The following RNF14 variants were observed in gnomAD, a reference collection of about 807,000 sequenced individuals.
The protein encoded by RNF14 is ring finger protein 14.
In RNF14, 26 loss-of-function variants were observed where a neutral mutation model predicts 52.6. The ratio of observed to expected loss-of-function variants is 0.49; its 90% CI spans 0.36 to 0.69. The LOEUF (loss-of-function observed/expected upper bound fraction) is 0.69, where lower values mean the gene tolerates loss of function less well. RNF14 is among the 30% of genes least tolerant of loss of function. RNF14 has a pLI of 0.00. For synonymous variants in RNF14, 194 were observed against 202.0 expected (o/e 0.96, Z 0.34); for missense variants, 404 against 560.4 (o/e 0.72, Z 2.82).
Position 141,984,880 on chromosome 5 carries a change from T to A in RNF14, c.1314T>A (p.Ser438=). 6.2e-7 allele frequency: 1 copy of A among 1,613,218 alleles called. No homozygotes were observed. Among genetic ancestry groups the A allele is most frequent in the Non-Finnish European group, 8.5e-7 (1 of 1,179,174 alleles). The stretch of plus-strand genomic sequence containing the variant: ...GTTGGATTTGCATGGGTTCTCTCTC[T>A]AGAGCAAACCCTTACAAACATTTCA... ...YFCWICMGSL[S]RANPYKHFND... Residue 438 remains serine, a synonymous_variant, in exon 8 of 9, where the codon TCT becomes TCA. Coordinates refer to ENST00000394520, the MANE Select transcript of RNF14 (RefSeq NM_004290.5).
rs746233191 is a variant in RNF14, at chr5:141,974,793, T to G, written c.155-11T>G. ...CCAACTGATCCTTTCTAATCTTTGT[T>G]TTTGGTTCAGGCAATTCAAATGAGT... On this transcript the variant is annotated splice_polypyrimidine_tract_variant and intron_variant, in intron 3 of 8. Transcript: ENST00000394520. The G allele has an allele frequency of 1.6e-5, 26 of 1,613,626 alleles. No homozygotes were observed. The highest frequency in any genetic ancestry group is 1.6e-4 in the Middle Eastern group (1 of 6,074).
chr5:141,971,657 TTG>T (rs1181075889), intron 2 of RNF14, among the ~76,000 whole-genome samples: 2 of 118,616 alleles, frequency 1.7e-5, no homozygotes, highest in African/African-American at 7.5e-5. Context: ...TTTTTTTTTT[TTG>T]GAGACAGAGT....
chr5:141,957,123 C>A (rs138577563), upstream of RNF14: 3 of 1,614,092 alleles, frequency 1.9e-6, no homozygotes, highest in Non-Finnish European at 2.5e-6. The surrounding 1 kb of genome is among the most constrained non-coding windows in gnomAD (Gnocchi z 4.3). Context: ...TCTCAGCAAA[C>A]GCAGGGCTAT....
upstream of RNF14, among the ~76,000 whole-genome samples, chr5:141,953,638 T>C (rs1753126017): frequency 6.6e-6 from 1 of 152,226 alleles, no homozygotes; most frequent in Admixed American, 6.5e-5. Flanking sequence ...ACAGGGCCTA[T>C]TCTCTGTTGT....
the RNF14 span, chr5:141,953,286 T>TA: frequency 2.6e-5 from 4 of 152,136 alleles, no homozygotes; most frequent in Non-Finnish European, 5.9e-5. Flanking sequence ...TCCTCAACAG[T>TA]AAAAAAAGTG....
intron 5 of RNF14, among the ~76,000 whole-genome samples, chr5:141,979,600 A>G (rs10476833): frequency 0.024 from 3,642 of 152,264 alleles, 147 homozygotes; most frequent in African/African-American, 0.084. Context: ...AATAAACTAC[A>G]CATTTAAATC....
At chr5:141,956,050 G>A (rs777187592), upstream of RNF14, 6 of 1,614,094 alleles carry the variant, frequency 3.7e-6, no homozygotes, top group Admixed American at 1.7e-5. Context: ...GTCAGTGCCC[G>A]CTGGGCCCAA....
intron 6 of RNF14, among the ~76,000 whole-genome samples, chr5:141,982,235 T>G (rs534145306): frequency 6.6e-6 from 1 of 152,298 alleles, no homozygotes; most frequent in South Asian, 2.1e-4. Flanking sequence ...TTTATTATTT[T>G]GGGAAGACTA....
chr5:141,987,713 A>C lies in RNF14; in HGVS notation c.1368-20A>C. ...GTTTCGTTCAAGTGTATAAAAATGTACCTTTTTTAATGCTTCCAGGCTGTT... is the reference window on the plus strand; with the variant it reads ...GTTTCGTTCAAGTGTATAAAAATGTCCCTTTTTTAATGCTTCCAGGCTGTT... On this transcript the variant is annotated intron_variant, in intron 8 of 8. Coordinates refer to ENST00000394520, the MANE Select transcript of RNF14 (RefSeq NM_004290.5). 1.9e-6 allele frequency: 3 copies of C among 1,612,752 alleles called. No homozygotes were observed. Among genetic ancestry groups the C allele is most frequent in the Non-Finnish European group, 1.7e-6 (2 of 1,178,792 alleles).
chr5:141,984,959 C>G, intron 8 of RNF14, 26 bp downstream of exon 8: 1 of 1,591,690 alleles, frequency 6.3e-7, no homozygotes, highest in South Asian at 1.1e-5. Context: ...ATTCCTCAGG[C>G]TCACCAGCAA....
At chr5:141,951,113 G>T in the RNF14 span, among the ~76,000 whole-genome samples, 30 of 152,194 alleles carry the variant, frequency 2.0e-4, no homozygotes, top group Non-Finnish European at 4.0e-4. Context: ...CATGTCTTTA[G>T]TGGGGAGCCT....
At chr5:141,957,581 G>T (rs61737136), upstream of RNF14, 1 of 1,614,132 alleles carries the variant, frequency 6.2e-7, no homozygotes, top group South Asian at 1.1e-5. This position sits in a 1 kb window ranked among gnomAD's most constrained non-coding sequence, Gnocchi z 4.3. Flanking sequence ...CGATCCAGCC[G>T]CCTGCCTGTG....
At position 141,974,969 on chromosome 5, in the gene RNF14, CTT is replaced by C. The variant is rs1410580744; in HGVS notation, c.306+15_306+16del. ...TCACCAACTCAGGTTAGACTTGAAA[CTT>C]AATTTTTCCTATCCATTTTTAGAAA... is the stretch of plus-strand genomic sequence containing the variant. On this transcript the variant is annotated intron_variant, in intron 4 of 8. Transcript: ENST00000394520. The C allele has an allele frequency of 6.2e-7, 1 of 1,610,438 alleles. No individual in the cohort carries two copies. The highest frequency in any genetic ancestry group is 1.7e-5 in the Admixed American group (1 of 58,894).
chr5:141,966,404 G>T (rs535623168), upstream of RNF14, among the ~76,000 whole-genome samples: 92 of 152,184 alleles, frequency 6.0e-4, no homozygotes, highest in Non-Finnish European at 1.0e-3. Flanking sequence ...TAGTAATTGT[G>T]TAAATATAAA....
chr5:141,961,108 A>C (rs948494541), intron 1 of RNF14, among the ~76,000 whole-genome samples: 1 of 152,216 alleles, frequency 6.6e-6, no homozygotes, highest in African/African-American at 2.4e-5. Context: ...AGAAGGAGTT[A>C]TGGAATTCAT....
At chr5:141,971,603 CTTT>C (rs1753777886) in intron 2 of RNF14, among the ~76,000 whole-genome samples, 1 of 104,124 alleles carries the variant, frequency 9.6e-6, no homozygotes, top group Non-Finnish European at 2.0e-5. Flanking sequence ...TTCTTTCTTT[CTTT>C]CTTTCCTTTC....
At chr5:141,953,221 C>G in the RNF14 span, 10 of 152,226 alleles carry the variant, frequency 6.6e-5, no homozygotes, top group Non-Finnish European at 2.9e-5. Context: ...TGCCCCAGTT[C>G]CCATCAGTGT....
chr5:141,967,623 G>A (rs972735221), upstream of RNF14, among the ~76,000 whole-genome samples: 1 of 152,210 alleles, frequency 6.6e-6, no homozygotes, highest in Non-Finnish European at 1.5e-5. Context: ...GGCAATGGTG[G>A]TAAAAGCTTT....
upstream of RNF14, among the ~76,000 whole-genome samples, chr5:141,962,034 G>T (rs1041083033): frequency 1.3e-5 from 2 of 152,140 alleles, no homozygotes; most frequent in Non-Finnish European, 2.9e-5. Flanking sequence ...CCCAGGTAGG[G>T]AGGTGGTTGG....
Sources: gnomAD v4.1 joint callset for allele counts (sites outside exome capture counted in the v4.1 genomes callset) on GRCh38, gnomAD v4.1.1 for gene constraint, Gnocchi (gnomAD v3.1) non-coding constraint, MANE v1.5 for transcripts, NCBI Gene and HGNC (gene_info 2026-07-23, HGNC 2026-07-21) for gene names.